Variants in WAC observed in about 807,000 individuals in gnomAD.
The protein encoded by WAC is WW domain containing adaptor with coiled-coil, also known as WW domain-containing adapter protein with coiled-coil.
A neutral mutation model predicts 79.6 loss-of-function variants in WAC; 11 were observed. The observed-to-expected ratio is 0.14, with a 90% CI of 0.09 to 0.23. The LOEUF (loss-of-function observed/expected upper bound fraction) is 0.23. WAC is among the 10% of genes least tolerant of loss of function. The pLI is 1.00. For synonymous variants in WAC, 304 were observed against 276.9 expected (o/e 1.10, Z -0.97); for missense variants, 728 against 773.5 (o/e 0.94, Z 0.70).
At chr10:28,617,926 T>C in intron 13 of WAC, 142 bp downstream of exon 13, 1 of 979,006 alleles carries the variant, frequency 1.0e-6, no homozygotes, top group Non-Finnish European at 1.4e-6. Context: ...TGCATTTTCA[T>C]AAGTTAATAT....
rs1431697137 is a variant in WAC, at chr10:28,543,871, T to TA, written c.274+8114_274+8115insA. On this transcript the variant is annotated intron_variant, in intron 3 of 13. Transcript: ENST00000354911. ...TTTCCAGAATTGGTTTCCTTTGTTT[T>TA]GTTTTTTGTTGTTGCTGTTGTTGTA... 8.2e-5 allele frequency among the ~76,000 whole-genome samples: 12 copies of TA among 145,488 alleles called. No homozygotes were observed. The South Asian group carries it at 1.5e-3, about 18-fold the overall frequency.
intron 8 of WAC, 129 bp downstream of exon 8, chr10:28,608,560 T>C (rs1177785529): frequency 1.8e-6 from 2 of 1,087,264 alleles, no homozygotes; most frequent in African/African-American, 1.6e-5. Context: ...TTTTTTTGTT[T>C]TGTTTTTTGT....
chr10:28,559,148 G>GTGTGTGTGTGTGTGTA (rs2132474183), intron 3 of WAC, among the ~76,000 whole-genome samples: 1 of 92,690 alleles, frequency 1.1e-5, no homozygotes, highest in South Asian at 3.4e-4. Flanking sequence ...GTGTGTGTGT[G>GTGTGTGTGTGTGTGTA]TGTGTGTGTG....
At chr10:28,576,094 G>A (rs1839230942) in intron 3 of WAC, among the ~76,000 whole-genome samples, 1 of 152,160 alleles carries the variant, frequency 6.6e-6, no homozygotes, top group Non-Finnish European at 1.5e-5. Context: ...TACACTCTTA[G>A]GATGTTTGCA....
At chr10:28,589,988 G>A (rs1006641852) in intron 5 of WAC, 137 bp downstream of exon 5, 18 of 615,024 alleles carry the variant, frequency 2.9e-5, no homozygotes, top group Admixed American at 2.6e-4. Context: ...GTGGTTGGTT[G>A]CCCCTTCGTG....
chr10:28,611,686 A>G (rs1055436214), intron 9 of WAC, 88 bp from the exon 10 acceptor site: 45 of 1,511,556 alleles, frequency 3.0e-5, no homozygotes, highest in Non-Finnish European at 3.7e-5. Context: ...GAGTAATACA[A>G]ATATCTTTGC....
At chr10:28,576,532 T>C (rs953395967) in intron 3 of WAC, among the ~76,000 whole-genome samples, 10 of 152,190 alleles carry the variant, frequency 6.6e-5, no homozygotes, top group African/African-American at 2.4e-4. Context: ...AATGACCTTA[T>C]TATAAACTAA....
At chr10:28,596,432 G>C (rs1037913753) in intron 7 of WAC, among the ~76,000 whole-genome samples, 1 of 152,098 alleles carries the variant, frequency 6.6e-6, no homozygotes, top group Non-Finnish European at 1.5e-5. Flanking sequence ...TAAAACTAAT[G>C]TCTGTATAAC....
intron 7 of WAC, among the ~76,000 whole-genome samples, chr10:28,600,953 A>T (rs1840614049): frequency 6.6e-6 from 1 of 152,130 alleles, no homozygotes; most frequent in Admixed American, 6.6e-5. Flanking sequence ...CCGAGAATGG[A>T]TCAAAGACCT....
rs1443238959 is a variant in WAC at position 28,617,641 on chromosome 10, ATTTCT to A, written c.1747-13_1747-9del. ...AATGTTTATATTTTATGTTTTCTTC[ATTTCT>A]TTAATTACAGGCATCAAGATTACGC... On this transcript the variant is annotated splice_polypyrimidine_tract_variant and intron_variant, in intron 12 of 13. Coordinates refer to ENST00000354911, the MANE Select transcript of WAC (RefSeq NM_016628.5). The A allele has an allele frequency of 1.0e-5, 16 of 1,539,160 alleles. No individual in the cohort carries two copies. Among genetic ancestry groups the A allele is most frequent in the African/African-American group, 1.4e-5 (1 of 70,788 alleles).
At chr10:28,605,765 A>T (rs1840910760) in intron 7 of WAC, among the ~76,000 whole-genome samples, 1 of 152,190 alleles carries the variant, frequency 6.6e-6, no homozygotes, top group African/African-American at 2.4e-5. Flanking sequence ...TGGTAGCACC[A>T]AATAAAATTG....
At chr10:28,533,955 C>A (rs924944105) in intron 1 of WAC, 43 bp from the exon 2 acceptor site, 2 of 1,603,152 alleles carry the variant, frequency 1.2e-6, no homozygotes, top group Non-Finnish European at 1.7e-6. Flanking sequence ...GCCCCCCACC[C>A]GCGCCGTGTC....
chr10:28,581,898 T>G (rs1049362170), intron 3 of WAC, among the ~76,000 whole-genome samples: 3 of 152,230 alleles, frequency 2.0e-5, no homozygotes, highest in Non-Finnish European at 4.4e-5. Context: ...GATTTATTTC[T>G]TGCTTCCTGT....
At chr10:28,608,672 A>G in intron 8 of WAC, 2 of 478,504 alleles carry the variant, frequency 4.2e-6, no homozygotes, top group Admixed American at 7.9e-5. Flanking sequence ...AATACTTGTT[A>G]TGTGTCTGGT....
Position 28,564,894 on chromosome 10 carries a change from T to G in WAC, c.275-18505T>G, listed in dbSNP as rs545510419. 4.1e-4 allele frequency among the ~76,000 whole-genome samples: 62 copies of G among 152,302 alleles called. No homozygotes were observed. In the East Asian group the frequency reaches 6.8e-3, roughly 17 times the overall value. The stretch of plus-strand genomic sequence containing the variant: ...ATTTTGTTCCATGCAGGGTTGGTTG[T>G]TGTTTTTTGCATGAATACGTTAAGG... On this transcript the variant is annotated intron_variant, in intron 3 of 13. Transcript: ENST00000354911.
intron 7 of WAC, among the ~76,000 whole-genome samples, chr10:28,597,902 T>C (rs775318406): frequency 3.3e-5 from 5 of 152,174 alleles, no homozygotes; most frequent in Non-Finnish European, 5.9e-5. Context: ...TAAAAATCTT[T>C]CGTGGAGATT....
At chr10:28,599,566 A>C in intron 7 of WAC, among the ~76,000 whole-genome samples, 1 of 152,298 alleles carries the variant, frequency 6.6e-6, no homozygotes, top group East Asian at 1.9e-4. Context: ...GAGCACTTGC[A>C]CTGGTCATGG....
At chr10:28,579,189 T>TG (rs397965395) in intron 3 of WAC, among the ~76,000 whole-genome samples, 4 of 151,276 alleles carry the variant, frequency 2.6e-5, no homozygotes, top group African/African-American at 9.8e-5. Flanking sequence ...TTTTTTTTTT[T>TG]GTCGTTAAAT....
intron 3 of WAC, among the ~76,000 whole-genome samples, chr10:28,575,556 G>T (rs904700067): frequency 6.6e-6 from 1 of 152,142 alleles, no homozygotes; most frequent in African/African-American, 2.4e-5. Flanking sequence ...TTCCCTGCAG[G>T]TTTGATTTGC....
Sources: allele counts gnomAD v4.1 joint callset (sites outside exome capture counted in the v4.1 genomes callset), GRCh38; gene constraint gnomAD v4.1.1; transcripts MANE v1.5; gene names NCBI Gene and HGNC (gene_info 2026-07-23, HGNC 2026-07-21).